FUT9: variants seen among roughly 807,000 people sequenced by gnomAD.
The protein encoded by FUT9 is fucosyltransferase 9.
In FUT9, 15 loss-of-function variants were observed where a neutral mutation model predicts 29.7. The observed-to-expected ratio is 0.51, with a 90% CI of 0.34 to 0.78. The LOEUF is 0.78. FUT9 is among the 30% of genes least tolerant of loss of function. The pLI is 0.01. For synonymous variants in FUT9, 169 were observed against 153.7 expected (o/e 1.10, Z -0.74); for missense variants, 319 against 425.4 (o/e 0.75, Z 2.20).
Position 96,213,095 on chromosome 6 carries a change from TTTC to T in FUT9, c.*8866_*8868del, listed in dbSNP as rs1211124480. ...AACTGCCATATATTCGTGCAGATGT[TTTC>T]TTCTTTTCTTACTGCGCATTTCCAT... On this transcript the variant is annotated 3_prime_UTR_variant, in exon 3 of 3. Transcript: ENST00000302103. The T allele has an allele frequency of 6.0e-6, 1 of 166,930 alleles. No individual in the cohort carries two copies. The allele number at this position is 166,930 out of a possible 1,614,324, so 10.3% of individuals were successfully genotyped here.
chr6:96,109,172 T>A (rs1023576519), intron 1 of FUT9, among the ~76,000 whole-genome samples: 1 of 152,244 alleles, frequency 6.6e-6, no homozygotes, highest in Admixed American at 6.5e-5. Flanking sequence ...TCCTTTAATG[T>A]CATCTGGTCA....
chr6:96,177,058 T>C (rs1773217770), intron 2 of FUT9, among the ~76,000 whole-genome samples: 1 of 152,164 alleles, frequency 6.6e-6, no homozygotes, highest in Non-Finnish European at 1.5e-5. Flanking sequence ...TTCCCATGGT[T>C]TGTGAGAGGC....
rs1313826397 is a variant in FUT9 at position 96,207,036 on chromosome 6, G to C, written c.*2801G>C. The C allele has an allele frequency of 6.0e-6, 1 of 166,950 alleles. No homozygotes were observed. The highest frequency in any genetic ancestry group is 6.6e-5 in the Admixed American group (1 of 15,260). 10.3% of individuals were successfully genotyped at this position (166,950 alleles called of 1,614,324 possible). A position where few individuals can be genotyped will look rare whatever the true frequency, so the allele number is the denominator to read the frequency against. On this transcript the variant is annotated 3_prime_UTR_variant, in exon 3 of 3. Transcript: ENST00000302103. ...TCCCAGAAGACTGTTTCCTAAATTTGAAGTGGAAGAATTAAATGACTCAAT... is the reference window on the plus strand; with the variant it reads ...TCCCAGAAGACTGTTTCCTAAATTTCAAGTGGAAGAATTAAATGACTCAAT...
intron 1 of FUT9, among the ~76,000 whole-genome samples, chr6:96,045,832 C>T (rs897938368): frequency 7.2e-5 from 11 of 152,160 alleles, no homozygotes; most frequent in African/African-American, 2.2e-4. Context: ...CCATTCCTGG[C>T]GGGTACTTTT....
chr6:96,032,938 T>C (rs1455759794), intron 1 of FUT9, among the ~76,000 whole-genome samples: 1 of 151,622 alleles, frequency 6.6e-6, no homozygotes, highest in African/African-American at 2.4e-5. Flanking sequence ...GTAAGAAAAC[T>C]TCAGGCCAGA....
chr6:96,091,662 C>T (rs564155026), intron 1 of FUT9, among the ~76,000 whole-genome samples: 5 of 151,972 alleles, frequency 3.3e-5, no homozygotes, highest in South Asian at 2.1e-4. Context: ...AGGAGAGAAA[C>T]GGACTGAGTG....
At chr6:96,032,312 A>G (rs1770276138) in intron 1 of FUT9, among the ~76,000 whole-genome samples, 2 of 151,582 alleles carry the variant, frequency 1.3e-5, no homozygotes, top group South Asian at 4.1e-4. Flanking sequence ...CTATGGAGAG[A>G]CTATGATATG....
intron 2 of FUT9, among the ~76,000 whole-genome samples, chr6:96,186,057 A>G (rs756242796): frequency 2.6e-5 from 4 of 152,010 alleles, no homozygotes; most frequent in Non-Finnish European, 4.4e-5. Context: ...TAATAACATC[A>G]TTTTCCAAAA....
At chr6:96,069,957 TA>T (rs1184116591) in intron 1 of FUT9, among the ~76,000 whole-genome samples, 4 of 151,096 alleles carry the variant, frequency 2.6e-5, no homozygotes, top group East Asian at 1.9e-4. Flanking sequence ...AAAACACAGC[TA>T]AAAAAACACA....
At chr6:96,139,779 G>C (rs1402740613) in intron 2 of FUT9, among the ~76,000 whole-genome samples, 1 of 152,140 alleles carries the variant, frequency 6.6e-6, no homozygotes. Flanking sequence ...TTTTAACCAT[G>C]GCTGGAGCTG....
chr6:96,068,946 T>G (rs1257593743), intron 1 of FUT9, among the ~76,000 whole-genome samples: 2 of 152,196 alleles, frequency 1.3e-5, no homozygotes, highest in Non-Finnish European at 2.9e-5. Context: ...AAAGACTTTT[T>G]GTACGCAGAT....
chr6:96,190,531 C>T (rs181669153), intron 2 of FUT9, among the ~76,000 whole-genome samples: 6 of 152,330 alleles, frequency 3.9e-5, no homozygotes, highest in African/African-American at 1.4e-4. Flanking sequence ...CTCCCCATCA[C>T]TTTCACGTAT....
At chr6:96,121,224 C>A (rs1772021335) in intron 2 of FUT9, among the ~76,000 whole-genome samples, 1 of 152,160 alleles carries the variant, frequency 6.6e-6, no homozygotes, top group South Asian at 2.1e-4. Flanking sequence ...AAATTCTTTT[C>A]TCTTCTTATC....
At chr6:96,078,324 T>C (rs1489920030) in intron 1 of FUT9, among the ~76,000 whole-genome samples, 2 of 151,524 alleles carry the variant, frequency 1.3e-5, no homozygotes, top group East Asian at 3.9e-4. Flanking sequence ...TCTTCTTTTA[T>C]AGCTCAGATA....
chr6:96,189,482 G>A (rs1300384387), intron 2 of FUT9, among the ~76,000 whole-genome samples: 1 of 152,056 alleles, frequency 6.6e-6, no homozygotes, highest in East Asian at 1.9e-4. Flanking sequence ...AAATTTTAGT[G>A]TACATCTAAT....
intron 1 of FUT9, among the ~76,000 whole-genome samples, chr6:96,064,582 A>G (rs2127945445): frequency 6.8e-6 from 1 of 146,452 alleles, no homozygotes; most frequent in Middle Eastern, 3.6e-3. Context: ...CTCCCAGCAC[A>G]CACACACTGA....
intron 2 of FUT9, among the ~76,000 whole-genome samples, chr6:96,141,751 G>A (rs559884039): frequency 6.6e-6 from 1 of 152,276 alleles, no homozygotes; most frequent in East Asian, 1.9e-4. Flanking sequence ...GGGAGATCTG[G>A]GGAATGTGAC....
intron 1 of FUT9, among the ~76,000 whole-genome samples, chr6:96,111,375 G>C (rs1771803200): frequency 6.6e-6 from 1 of 151,990 alleles, no homozygotes; most frequent in African/African-American, 2.4e-5. Flanking sequence ...AGGGAATGGA[G>C]AAAATGATTT....
chr6:96,123,817 A>C (rs934426866), intron 2 of FUT9, among the ~76,000 whole-genome samples: 1 of 152,014 alleles, frequency 6.6e-6, no homozygotes, highest in African/African-American at 2.4e-5. Context: ...TATGAGAAAA[A>C]AATCACAGAG....
Sources: gnomAD v4.1 joint callset for allele counts (sites outside exome capture counted in the v4.1 genomes callset) on GRCh38, gnomAD v4.1.1 for gene constraint, MANE v1.5 for transcripts, NCBI Gene and HGNC (gene_info 2026-07-23, HGNC 2026-07-21) for gene names.